COL4A2: variants seen among roughly 807,000 people sequenced by gnomAD.
The protein encoded by COL4A2 is collagen type IV alpha 2 chain.
COL4A2 carries 99 observed loss-of-function variants against 200.2 expected under a neutral mutation model. The ratio of observed to expected loss-of-function variants is 0.49; its 90% CI spans 0.42 to 0.58. The LOEUF is 0.58. COL4A2 is among the 20% of genes least tolerant of loss of function. The pLI is 0.00. For synonymous variants in COL4A2, 897 were observed against 900.6 expected (o/e 1.00, Z 0.07); for missense variants, 1,950 against 2,314.1 (o/e 0.84, Z 3.23).
chr13:110,402,788 T>A (rs1206402105), intron 4 of COL4A2, among the ~76,000 whole-genome samples: 1 of 152,252 alleles, frequency 6.6e-6, no homozygotes, highest in Non-Finnish European at 1.5e-5. Context: ...GTCAGGTCTG[T>A]GCCTGGTCAC....
intron 4 of COL4A2, among the ~76,000 whole-genome samples, chr13:110,415,062 C>T (rs1406355147): frequency 6.6e-6 from 1 of 152,110 alleles, no homozygotes; most frequent in Non-Finnish European, 1.5e-5. Flanking sequence ...CTGTGAGTGT[C>T]TAGAAAAGGC....
Position 110,482,677 on chromosome 13 carries a change from C to T in COL4A2, c.2902+18C>T, listed in dbSNP as rs1218659569. The T allele has an allele frequency of 6.2e-7, 1 of 1,611,474 alleles. No individual in the cohort carries two copies. The highest frequency in any genetic ancestry group is 8.5e-7 in the Non-Finnish European group (1 of 1,177,910). On this transcript the variant is annotated intron_variant, in intron 32 of 47. Transcript: ENST00000360467. ...TTTTAAAGGTATGTCCCTCTCTTAA[C>T]ATCCTCCTTACCTGGTCATGGTGGC...
At chr13:110,317,963 G>A (rs373948391) in intron 3 of COL4A2, among the ~76,000 whole-genome samples, 3 of 152,164 alleles carry the variant, frequency 2.0e-5, no homozygotes, top group Non-Finnish European at 2.9e-5. Flanking sequence ...GCTTCCTTAC[G>A]CTGGGTCTTC....
intron 3 of COL4A2, among the ~76,000 whole-genome samples, chr13:110,347,769 G>A (rs1876773530): frequency 6.6e-6 from 1 of 152,274 alleles, no homozygotes; most frequent in South Asian, 2.1e-4. Flanking sequence ...AGCACACTGT[G>A]TGTGGAAAAC....
At chr13:110,330,943 G>C (rs1875882495) in intron 3 of COL4A2, among the ~76,000 whole-genome samples, 1 of 152,014 alleles carries the variant, frequency 6.6e-6, no homozygotes, top group Non-Finnish European at 1.5e-5. Flanking sequence ...TTCCTCTATG[G>C]TGTGTCTTCC....
In COL4A2 at chr13:110,308,106, G is replaced by A. The variant is rs1338618226; in HGVS notation, c.82G>A (p.Ala28Thr). 3 of 1,613,632 alleles carry A rather than the reference G, an allele frequency of 1.9e-6. No individual in the cohort carries two copies. The African/African-American group carries it at 4.0e-5, about 22-fold the overall frequency. Residue 28 changes from alanine (A) to threonine (T), a missense_variant, in exon 3 of 48, where the codon GCC (alanine) becomes ACC (threonine). Ala to Thr is a moderately conservative substitution (Grantham distance 58, BLOSUM62 0). Coordinates refer to ENST00000360467, the MANE Select transcript of COL4A2 (RefSeq NM_001846.4). Reference sequence around the variant, plus strand: ...GGGGACAGTGACCGTGGGGTTCCTCGCCCAGAGCGTCTTGGCGGTAAGTCC... The same window carrying A: ...GGGGACAGTGACCGTGGGGTTCCTCACCCAGAGCGTCTTGGCGGTAAGTCC... ...LLGTVTVGFL[A>T]QSVLAGVKKF...
At chr13:110,326,196 G>T (rs1026815060) in intron 3 of COL4A2, among the ~76,000 whole-genome samples, 1 of 152,196 alleles carries the variant, frequency 6.6e-6, no homozygotes, top group Non-Finnish European at 1.5e-5. Flanking sequence ...AGTCCCTGTG[G>T]AACCTGGGAG....
At chr13:110,315,538 G>A (rs1885108957) in intron 3 of COL4A2, among the ~76,000 whole-genome samples, 1 of 152,186 alleles carries the variant, frequency 6.6e-6, no homozygotes, top group Non-Finnish European at 1.5e-5. Flanking sequence ...TGGGATTACA[G>A]GCACGAGTCA....
chr13:110,394,796 C>T (rs1879129182), intron 4 of COL4A2, among the ~76,000 whole-genome samples: 1 of 152,214 alleles, frequency 6.6e-6, no homozygotes, highest in Non-Finnish European at 1.5e-5. Flanking sequence ...TCAAAACATA[C>T]ACCAGAGTTC....
intron 27 of COL4A2, among the ~76,000 whole-genome samples, chr13:110,468,930 C>T (rs1018732913): frequency 6.6e-6 from 1 of 152,104 alleles, no homozygotes; most frequent in East Asian, 1.9e-4. Context: ...AATGGTAGGG[C>T]CAAAATTTAT....
At chr13:110,484,748 A>G (rs1262682730) in intron 32 of COL4A2, among the ~76,000 whole-genome samples, 157 bp from the exon 33 acceptor site, 1 of 151,984 alleles carries the variant, frequency 6.6e-6, no homozygotes, top group East Asian at 1.9e-4. Context: ...ACTCCGATGG[A>G]CACAGGAGAG....
At chr13:110,472,384 G>A (rs535987298) in intron 28 of COL4A2, among the ~76,000 whole-genome samples, 10 of 152,182 alleles carry the variant, frequency 6.6e-5, no homozygotes, top group African/African-American at 2.2e-4. Context: ...CAAAGTGCTG[G>A]GATTGGGACT....
chr13:110,325,988 G>T (rs565592754), intron 3 of COL4A2, among the ~76,000 whole-genome samples: 2 of 152,206 alleles, frequency 1.3e-5, no homozygotes, highest in Admixed American at 1.3e-4. Flanking sequence ...GTTTCGCCAC[G>T]TTGGCCAGGC....
At chr13:110,509,245 T>TTATATATATATATATA (rs374846915) in intron 47 of COL4A2, among the ~76,000 whole-genome samples, 860 of 71,132 alleles carry the variant, frequency 0.012, 1 homozygote, top group Non-Finnish European at 0.016. Flanking sequence ...ATTTCATAAA[T>TTATATATATATATATA]TATATATATA....
At chr13:110,493,422 C>A in intron 39 of COL4A2, 140 bp downstream of exon 39, 1 of 823,636 alleles carries the variant, frequency 1.2e-6, no homozygotes. Context: ...ATGCGATCGG[C>A]CGTGAGGGGC....
chr13:110,468,835 G>A (rs764295869), intron 27 of COL4A2, among the ~76,000 whole-genome samples: 17 of 152,154 alleles, frequency 1.1e-4, no homozygotes, highest in Non-Finnish European at 2.1e-4. Context: ...TCCTCGTGGC[G>A]TCCTCATGAG....
chr13:110,337,986 G>A (rs1315567472), intron 3 of COL4A2, among the ~76,000 whole-genome samples: 1 of 152,132 alleles, frequency 6.6e-6, no homozygotes, highest in Non-Finnish European at 1.5e-5. Flanking sequence ...GGTTAATGAG[G>A]CCAGGGGTGT....
At chr13:110,475,570 C>A (rs989353111) in intron 29 of COL4A2, among the ~76,000 whole-genome samples, 1 of 152,188 alleles carries the variant, frequency 6.6e-6, no homozygotes, top group Non-Finnish European at 1.5e-5. Context: ...ATCAATGTTA[C>A]CTTTATGACA....
At chr13:110,463,966 T>C (rs572833710) in intron 24 of COL4A2, among the ~76,000 whole-genome samples, 67 of 152,352 alleles carry the variant, frequency 4.4e-4, no homozygotes, top group Middle Eastern at 3.4e-3. Flanking sequence ...TTGGTCACTT[T>C]AGCCAGAAGA....
Sources: gnomAD v4.1 joint callset for allele counts (sites outside exome capture counted in the v4.1 genomes callset) on GRCh38, gnomAD v4.1.1 for gene constraint, MANE v1.5 for transcripts, NCBI Gene and HGNC (gene_info 2026-07-23, HGNC 2026-07-21) for gene names.